The following CIMIP6 variants were observed in gnomAD, a reference collection of about 807,000 sequenced individuals.
CIMIP6 encodes ciliary microtubule inner protein 6, also known as uncharacterized protein C2orf73.
chr2:54,380,792 C>A, the CIMIP6 span, among the ~76,000 whole-genome samples: 1 of 152,208 alleles, frequency 6.6e-6, no homozygotes, highest in Non-Finnish European at 1.5e-5. Flanking sequence ...CATGCCTTAC[C>A]AAGCATTCTG....
chr2:54,363,934 G>T, the CIMIP6 span, among the ~76,000 whole-genome samples: 4 of 152,090 alleles, frequency 2.6e-5, no homozygotes, highest in South Asian at 2.1e-4. Context: ...AGAGGAGAAT[G>T]GTCTGGGGTC....
At chr2:54,349,393 T>G in the CIMIP6 span, among the ~76,000 whole-genome samples, 1 of 152,200 alleles carries the variant, frequency 6.6e-6, no homozygotes, top group Non-Finnish European at 1.5e-5. Flanking sequence ...GTAAAACTCC[T>G]AAGTTCTCAC....
the CIMIP6 span, among the ~76,000 whole-genome samples, chr2:54,347,131 AGTT>A: frequency 6.6e-6 from 1 of 152,228 alleles, no homozygotes; most frequent in African/African-American, 2.4e-5. Context: ...AAAAGAAAAC[AGTT>A]GTTTCTATAA....
the CIMIP6 span, among the ~76,000 whole-genome samples, chr2:54,368,562 G>A: frequency 5.9e-5 from 9 of 152,314 alleles, no homozygotes; most frequent in South Asian, 6.2e-4. Flanking sequence ...AATGTCCTGC[G>A]TGAGAAGAGT....
At chr2:54,370,359 A>G in the CIMIP6 span, among the ~76,000 whole-genome samples, 1 of 152,074 alleles carries the variant, frequency 6.6e-6, no homozygotes, top group African/African-American at 2.4e-5. Flanking sequence ...CCTTTACAAG[A>G]GTGTTGTGGA....
the CIMIP6 span, chr2:54,343,731 G>A: frequency 1.9e-6 from 3 of 1,592,596 alleles, no homozygotes; most frequent in Non-Finnish European, 2.6e-6. Flanking sequence ...GTGACTGGTG[G>A]TCACATGGTA....
chr2:54,340,882 C>T, the CIMIP6 span, among the ~76,000 whole-genome samples: 1 of 152,150 alleles, frequency 6.6e-6, no homozygotes, highest in African/African-American at 2.4e-5. Context: ...GGAGGATCAC[C>T]TGAGTCCAGG....
the CIMIP6 span, among the ~76,000 whole-genome samples, chr2:54,352,574 T>C: frequency 3.5e-4 from 53 of 152,302 alleles, 2 homozygotes; most frequent in South Asian, 0.011. Flanking sequence ...TTAAAATCTA[T>C]TATTTTAGCA....
chr2:54,352,242 G>C, the CIMIP6 span, among the ~76,000 whole-genome samples: 32 of 152,042 alleles, frequency 2.1e-4, no homozygotes, highest in Non-Finnish European at 4.1e-4. Flanking sequence ...ATTTACTTTA[G>C]TAGTGTGTAA....
At chr2:54,351,728 T>C in the CIMIP6 span, among the ~76,000 whole-genome samples, 1 of 152,210 alleles carries the variant, frequency 6.6e-6, no homozygotes, top group Admixed American at 6.5e-5. Flanking sequence ...GAGACAAGCT[T>C]ACCTATACAT....
At chr2:54,377,637 A>T in the CIMIP6 span, among the ~76,000 whole-genome samples, 1 of 152,188 alleles carries the variant, frequency 6.6e-6, no homozygotes, top group African/African-American at 2.4e-5. Context: ...AATCACAGTC[A>T]TTATTTCCTT....
the CIMIP6 span, among the ~76,000 whole-genome samples, chr2:54,364,029 A>G: frequency 1.3e-5 from 2 of 152,186 alleles, no homozygotes; most frequent in Non-Finnish European, 2.9e-5. Flanking sequence ...GCATTAAGAT[A>G]AAAAGTTTAT....
chr2:54,360,100 A>G, the CIMIP6 span: 2 of 1,396,440 alleles, frequency 1.4e-6, no homozygotes, highest in Non-Finnish European at 1.9e-6. Flanking sequence ...AAGTGCCTGC[A>G]TCACTGACTA....
the CIMIP6 span, among the ~76,000 whole-genome samples, chr2:54,371,291 G>C: frequency 3.9e-5 from 6 of 152,228 alleles, no homozygotes; most frequent in Non-Finnish European, 7.3e-5. Context: ...GAGACCCCAG[G>C]AAGCAAGAGG....
the CIMIP6 span, among the ~76,000 whole-genome samples, chr2:54,363,506 C>T: frequency 6.6e-6 from 1 of 152,128 alleles, no homozygotes; most frequent in African/African-American, 2.4e-5. Flanking sequence ...CTTCTTCTAC[C>T]TCTTCATATT....
chr2:54,371,361 T>C, the CIMIP6 span, among the ~76,000 whole-genome samples: 1 of 152,136 alleles, frequency 6.6e-6, no homozygotes, highest in African/African-American at 2.4e-5. Context: ...CTGGCTCCTA[T>C]TGGGTCTTTA....
At chr2:54,352,576 A>G in the CIMIP6 span, among the ~76,000 whole-genome samples, 1 of 152,160 alleles carries the variant, frequency 6.6e-6, no homozygotes, top group South Asian at 2.1e-4. Flanking sequence ...AAAATCTATT[A>G]TTTTAGCAAT....
the CIMIP6 span, among the ~76,000 whole-genome samples, chr2:54,350,058 G>A: frequency 0.012 from 1,883 of 152,180 alleles, 46 homozygotes; most frequent in African/African-American, 0.043. Context: ...GTTTCACCAA[G>A]TTGGCCAGGC....
the CIMIP6 span, among the ~76,000 whole-genome samples, chr2:54,336,242 TC>T: frequency 6.6e-6 from 1 of 152,148 alleles, no homozygotes. Context: ...CCTCAAAAGT[TC>T]CCCTATGCCC....
Sources: allele counts gnomAD v4.1 joint callset (sites outside exome capture counted in the v4.1 genomes callset), GRCh38; gene constraint gnomAD v4.1.1; transcripts MANE v1.5; gene names NCBI Gene and HGNC (gene_info 2026-07-23, HGNC 2026-07-21).